KCTD20: variants seen among roughly 807,000 people sequenced by gnomAD.
KCTD20 encodes the protein BTB/POZ domain-containing protein KCTD20.
KCTD20 carries 30 observed loss-of-function variants against 39.6 expected under a neutral mutation model. That is an observed-to-expected ratio of 0.76 (90% CI 0.57 to 1.03). KCTD20 has a LOEUF of 1.03. Among genes scored for constraint, KCTD20 ranks in the 50% least tolerant of loss-of-function variants. The pLI, the probability that KCTD20 is intolerant of heterozygous loss-of-function variation, is 0.00. For synonymous variants in KCTD20, 162 were observed against 180.6 expected (o/e 0.90, Z 0.83); for missense variants, 422 against 522.0 (o/e 0.81, Z 1.87).
chr6:36,473,881 A>AT (rs1407074821), intron 2 of KCTD20, among the ~76,000 whole-genome samples: 1 of 152,206 alleles, frequency 6.6e-6, no homozygotes, highest in Non-Finnish European at 1.5e-5. Context: ...ATGAATCCTA[A>AT]TGCCATTTGC....
In KCTD20 at chr6:36,490,227, A is replaced by G. The variant is rs1001912764; in HGVS notation, c.*3052A>G. ...TGTGGAGGATTTTTGTTAAGTGTCA[A>G]TCGAAGTTAAAAAGCAAGGGTTTTT... On this transcript the variant is annotated 3_prime_UTR_variant, in exon 8 of 8. Transcript: ENST00000373731. 3 of 146,266 alleles carry G rather than the reference A, an allele frequency of 2.1e-5. No individual in the cohort carries two copies. Among genetic ancestry groups the G allele is most frequent in the African/African-American group, 5.1e-5 (2 of 39,204 alleles). The allele number at this position is 146,266 out of a possible 1,614,324, so 9.1% of individuals were successfully genotyped here.
rs1208081824 is a variant in KCTD20, at chr6:36,490,565, TG to T, written c.*3392del. The T allele has an allele frequency of 1.3e-5, 2 of 151,600 alleles. No individual in the cohort carries two copies. Among genetic ancestry groups the T allele is most frequent in the African/African-American group, 4.9e-5 (2 of 40,972 alleles). 9.4% of individuals were successfully genotyped at this position (151,600 alleles called of 1,614,324 possible). On this transcript the variant is annotated 3_prime_UTR_variant, in exon 8 of 8. Coordinates refer to ENST00000373731, the MANE Select transcript of KCTD20 (RefSeq NM_173562.5). Reference sequence around the variant, plus strand: ...AAAGAAAAAAAAAAATTAAAGGTTTTGGCTGGGTGCAGTGGCTCATGCCGGT... The same window carrying T: ...AAAGAAAAAAAAAAATTAAAGGTTTTGCTGGGTGCAGTGGCTCATGCCGGT...
chr6:36,446,557 G>A (rs968819347), intron 1 of KCTD20, among the ~76,000 whole-genome samples: 1 of 152,106 alleles, frequency 6.6e-6, no homozygotes, highest in Non-Finnish European at 1.5e-5. Context: ...GAGGTCAAGG[G>A]AGGAGGATTT....
At chr6:36,465,783 A>G (rs1561950048) in intron 1 of KCTD20, 2 of 152,216 alleles carry the variant, frequency 1.3e-5, no homozygotes, top group Non-Finnish European at 2.9e-5. Context: ...CTTAAAATAT[A>G]TAGCTCCTCA....
chr6:36,479,547 A>T (rs368527317), intron 4 of KCTD20, 44 bp from the exon 5 acceptor site: 1 of 1,565,824 alleles, frequency 6.4e-7, no homozygotes, highest in Non-Finnish European at 8.7e-7. Context: ...GTAATTTTTC[A>T]TCTTGTTCTC....
At chr6:36,444,286 G>A (rs1774969843) in intron 1 of KCTD20, among the ~76,000 whole-genome samples, 1 of 152,168 alleles carries the variant, frequency 6.6e-6, no homozygotes, top group African/African-American at 2.4e-5. Context: ...CTGCCCAACA[G>A]CCTTAACCCT....
rs1775848764 is a variant in KCTD20 at position 36,469,428 on chromosome 6, G to A, written c.-46-624G>A. 6.6e-6 allele frequency among the ~76,000 whole-genome samples: 1 copy of A among 152,136 alleles called. No individual in the cohort carries two copies. Among genetic ancestry groups the A allele is most frequent in the Non-Finnish European group, 1.5e-5 (1 of 68,032 alleles). The stretch of plus-strand genomic sequence containing the variant: ...TTCATGGGGACTCTGCACTGCTTTC[G>A]AGAGAGATGAATGACATGATTAGCT... On this transcript the variant is annotated intron_variant, in intron 1 of 7. Coordinates refer to ENST00000373731, the MANE Select transcript of KCTD20 (RefSeq NM_173562.5). The surrounding 1 kb of genome is among the most constrained non-coding windows in gnomAD (Gnocchi z 4.6).
In KCTD20 at chr6:36,488,864, T is replaced by C. The variant is rs1271382080; in HGVS notation, c.*1689T>C. 6.5e-6 allele frequency: 1 copy of C among 152,700 alleles called. No individual in the cohort carries two copies. Among genetic ancestry groups the C allele is most frequent in the Non-Finnish European group, 1.5e-5 (1 of 68,048 alleles). 9.5% of individuals were successfully genotyped at this position (152,700 alleles called of 1,614,324 possible). ...TGACTAGCATCACTGTGGAAATTAA[T>C]GCTCTGTTCTTCACTAGAATGTAGT... On this transcript the variant is annotated 3_prime_UTR_variant, in exon 8 of 8. Coordinates refer to ENST00000373731, the MANE Select transcript of KCTD20 (RefSeq NM_173562.5).
At chr6:36,475,141 A>G (rs907234940) in intron 3 of KCTD20, 79 bp downstream of exon 3, 1 of 1,457,958 alleles carries the variant, frequency 6.9e-7, no homozygotes. Flanking sequence ...TGCATTAGAT[A>G]TAACAGTAAA....
chr6:36,457,194 A>G (rs112497132), intron 1 of KCTD20, among the ~76,000 whole-genome samples: 1 of 152,250 alleles, frequency 6.6e-6, no homozygotes, highest in Non-Finnish European at 1.5e-5. Context: ...TTGGCTTCCT[A>G]AAGTACAGGG....
At chr6:36,475,542 C>T (rs907180324) in intron 3 of KCTD20, among the ~76,000 whole-genome samples, 2 of 151,924 alleles carry the variant, frequency 1.3e-5, no homozygotes, top group African/African-American at 2.4e-5. Flanking sequence ...GTTGGTATTT[C>T]GGGGTGGGGA....
intron 1 of KCTD20, among the ~76,000 whole-genome samples, chr6:36,458,825 T>C (rs1275292679): frequency 6.6e-6 from 1 of 151,424 alleles, no homozygotes; most frequent in Non-Finnish European, 1.5e-5. Context: ...ACCCTGTCTC[T>C]ACAGAATAAT....
At position 36,479,160 on chromosome 6, in the gene KCTD20, C is replaced by T. The variant is rs746957699; in HGVS notation, c.474C>T (p.Pro158=). Residue 158 remains proline (P), a synonymous_variant, in exon 4 of 8, where the codon CCC becomes CCT. Coordinates refer to ENST00000373731, the MANE Select transcript of KCTD20 (RefSeq NM_173562.5). ...GAAGAGAGTACAACTTCACTCGGCC[C>T]AATGAGAAGGGAGAGTATGAGATTG... is the stretch of plus-strand genomic sequence containing the variant. The part of the protein sequence containing the change: ...GPGREYNFTR[P]NEKGEYEIAE... The T allele has an allele frequency of 6.2e-6, 10 of 1,613,898 alleles. No homozygotes were observed. The highest frequency in any genetic ancestry group is 8.5e-6 in the Non-Finnish European group (10 of 1,179,850).
chr6:36,477,473 TTTC>T (rs1484853264), intron 3 of KCTD20, among the ~76,000 whole-genome samples: 2 of 144,082 alleles, frequency 1.4e-5, no homozygotes, highest in Non-Finnish European at 3.0e-5. Context: ...ATGGAATCAT[TTTC>T]TTTTCTTTTT....
At chr6:36,451,148 G>C (rs1483744381) in intron 1 of KCTD20, 1 of 152,226 alleles carries the variant, frequency 6.6e-6, no homozygotes, top group African/African-American at 2.4e-5. Flanking sequence ...GGGCTCAAGT[G>C]ATCCTCCCAC....
intron 3 of KCTD20, among the ~76,000 whole-genome samples, chr6:36,475,950 T>C (rs192456742): frequency 1.6e-3 from 251 of 152,316 alleles, no homozygotes; most frequent in African/African-American, 5.2e-3. Context: ...CCTAGTTGTT[T>C]TGTTGTTTGT....
chr6:36,479,518 A>C, intron 4 of KCTD20, 73 bp from the exon 5 acceptor site: 1 of 1,353,950 alleles, frequency 7.4e-7, no homozygotes, highest in Non-Finnish European at 1.0e-6. Flanking sequence ...CAAAACCAGG[A>C]ATGCACAGGG....
chr6:36,457,156 A>G (rs9357214), intron 1 of KCTD20, among the ~76,000 whole-genome samples: 86,610 of 151,948 alleles, frequency 0.57, 26,379 homozygotes, highest in Middle Eastern at 0.74. Context: ...CTGGTCTCAA[A>G]TTCCTGGGCT....
intron 1 of KCTD20, 176 bp downstream of exon 1, chr6:36,443,287 G>A (rs56146544): frequency 6.6e-6 from 1 of 151,776 alleles, no homozygotes; most frequent in Non-Finnish European, 1.5e-5. Context: ...GGAACCTGTG[G>A]GCAGCGGCTT....
Sources: allele counts gnomAD v4.1 joint callset (sites outside exome capture counted in the v4.1 genomes callset), GRCh38; gene constraint gnomAD v4.1.1; non-coding constraint Gnocchi (gnomAD v3.1); transcripts MANE v1.5; gene names NCBI Gene and HGNC (gene_info 2026-07-23, HGNC 2026-07-21).